The following PIK3AP1 variants were observed in gnomAD, a reference collection of about 807,000 sequenced individuals.
PIK3AP1 encodes phosphoinositide 3-kinase adapter protein 1.
Under a neutral mutation model 88.1 loss-of-function variants are expected in PIK3AP1, and 21 were observed. The ratio of observed to expected loss-of-function variants is 0.24; its 90% CI spans 0.17 to 0.34. The LOEUF (loss-of-function observed/expected upper bound fraction) is 0.34. PIK3AP1 is among the 10% of genes least tolerant of loss of function. The pLI, the probability that PIK3AP1 is intolerant of heterozygous loss-of-function variation, is 1.00. For synonymous variants in PIK3AP1, 398 were observed against 400.0 expected (o/e 1.00, Z 0.06); for missense variants, 828 against 1,035.7 (o/e 0.80, Z 2.75).
At position 96,720,165 on chromosome 10, in the gene PIK3AP1, G is replaced by T. The variant is rs1024953111; in HGVS notation, c.13+217C>A. ...AAGAAGTGGGAGGGGGTCGGGCCAGGCAGGGGCTGAAGAGAATCGCGCCAC... is the reference window on the plus strand; with the variant it reads ...AAGAAGTGGGAGGGGGTCGGGCCAGTCAGGGGCTGAAGAGAATCGCGCCAC... On this transcript the variant is annotated intron_variant, in intron 1 of 16. Transcript: ENST00000339364. The surrounding 1 kb of genome is among the most constrained non-coding windows in gnomAD (Gnocchi z 4.6). Among the ~76,000 whole-genome samples the T allele has an allele frequency of 6.6e-6, 1 of 152,232 alleles. No individual in the cohort carries two copies. Among genetic ancestry groups the T allele is most frequent in the African/African-American group, 2.4e-5 (1 of 41,466 alleles).
intron 2 of PIK3AP1, among the ~76,000 whole-genome samples, chr10:96,684,091 C>T (rs1317909628): frequency 6.6e-6 from 1 of 152,186 alleles, no homozygotes; most frequent in Non-Finnish European, 1.5e-5. Context: ...GGAGATAGGG[C>T]TGAATTCCAC....
At chr10:96,666,132 T>C (rs543247919) in intron 2 of PIK3AP1, among the ~76,000 whole-genome samples, 15 of 152,286 alleles carry the variant, frequency 9.8e-5, no homozygotes, top group Admixed American at 3.9e-4. Context: ...AAAAAAGAGT[T>C]AAATAGGCCG....
intron 3 of PIK3AP1, among the ~76,000 whole-genome samples, chr10:96,654,480 T>G (rs1199550020): frequency 3.9e-5 from 6 of 152,312 alleles, no homozygotes; most frequent in South Asian, 2.1e-4. Context: ...CTCCTGGGGC[T>G]GCTGAGGCTG....
chr10:96,648,553 A>C, intron 7 of PIK3AP1, 106 bp downstream of exon 7: 4 of 1,223,364 alleles, frequency 3.3e-6, no homozygotes, highest in Non-Finnish European at 4.5e-6. Context: ...GAAGAGGTAC[A>C]TGAGGACATG....
At chr10:96,621,770 C>G (rs1169626402) in intron 11 of PIK3AP1, 1 of 152,278 alleles carries the variant, frequency 6.6e-6, no homozygotes, top group African/African-American at 2.4e-5. Flanking sequence ...ACAAGTATTT[C>G]TCAACCTTGG....
intron 2 of PIK3AP1, among the ~76,000 whole-genome samples, chr10:96,694,542 T>C (rs1384649536): frequency 6.8e-6 from 1 of 146,712 alleles, no homozygotes; most frequent in African/African-American, 2.5e-5. Flanking sequence ...TTTCTTTCTT[T>C]TTTTTTTTTT....
chr10:96,597,361 TC>T (rs1848787442), intron 16 of PIK3AP1, among the ~76,000 whole-genome samples: 1 of 93,744 alleles, frequency 1.1e-5, no homozygotes, highest in Non-Finnish European at 2.0e-5. Context: ...CCTCCCTCTC[TC>T]TCTCTCTCTC....
rs1844295927 is a variant in PIK3AP1 at position 96,701,368 on chromosome 10, G to C, written c.430+8199C>G. 5.3e-5 allele frequency among the ~76,000 whole-genome samples: 8 copies of C among 152,326 alleles called. No individual in the cohort carries two copies. In the South Asian group the frequency reaches 1.7e-3, roughly 32 times the overall value. On this transcript the variant is annotated intron_variant, in intron 2 of 16. Transcript: ENST00000339364. ...TAAGCTTTCTAGGCCCAAAGGCCCTGTGTTCCAAAGTGAGTTCCAGTGCTT... is the reference window on the plus strand; with the variant it reads ...TAAGCTTTCTAGGCCCAAAGGCCCTCTGTTCCAAAGTGAGTTCCAGTGCTT...
At chr10:96,652,595 A>G (rs1203092263) in intron 4 of PIK3AP1, 103 bp downstream of exon 4, 3 of 1,424,418 alleles carry the variant, frequency 2.1e-6, no homozygotes, top group Non-Finnish European at 2.9e-6. Flanking sequence ...TCAAAGTAGC[A>G]AACATATTTA....
chr10:96,682,920 A>G (rs1419459629), intron 2 of PIK3AP1, among the ~76,000 whole-genome samples: 1 of 152,198 alleles, frequency 6.6e-6, no homozygotes, highest in African/African-American at 2.4e-5. Flanking sequence ...CTACATTTAA[A>G]CAGACTGTAG....
chr10:96,624,123 T>C (rs1843123554), intron 10 of PIK3AP1, among the ~76,000 whole-genome samples: 1 of 152,194 alleles, frequency 6.6e-6, no homozygotes, highest in South Asian at 2.1e-4. Context: ...GTGAACCATA[T>C]GATCTTGGAC....
intron 2 of PIK3AP1, among the ~76,000 whole-genome samples, chr10:96,675,311 G>A (rs536806968): frequency 9.2e-5 from 14 of 152,280 alleles, no homozygotes; most frequent in East Asian, 3.9e-4. Flanking sequence ...GGGTGGAAGC[G>A]TCCTAGACCA....
At chr10:96,652,521 T>C (rs901551523) in intron 4 of PIK3AP1, among the ~76,000 whole-genome samples, 177 bp downstream of exon 4, 2 of 151,236 alleles carry the variant, frequency 1.3e-5, no homozygotes, top group African/African-American at 4.9e-5. Context: ...TGCAGTGAGC[T>C]GAGATCATGC....
At chr10:96,599,151 CAGAG>C (rs1316674358) in intron 16 of PIK3AP1, among the ~76,000 whole-genome samples, 3 of 152,012 alleles carry the variant, frequency 2.0e-5, no homozygotes, top group Non-Finnish European at 4.4e-5. Context: ...GCAGAACGGA[CAGAG>C]CATGAAGACA....
rs141708196 is a variant in PIK3AP1, at chr10:96,716,987, C to T, written c.13+3395G>A. 3.4e-3 allele frequency among the ~76,000 whole-genome samples: 520 copies of T among 152,072 alleles called. 2 individuals carry two copies. The highest frequency in any genetic ancestry group is 6.8e-3 in the Middle Eastern group (2 of 294). On this transcript the variant is annotated intron_variant, in intron 1 of 16. Coordinates refer to ENST00000339364, the MANE Select transcript of PIK3AP1 (RefSeq NM_152309.3). ...ATTCAGAGCCCAATGGAGGGCCGAGCGTGGTGGCTCACACCTGTAATCCCA... is the reference window on the plus strand; with the variant it reads ...ATTCAGAGCCCAATGGAGGGCCGAGTGTGGTGGCTCACACCTGTAATCCCA...
intron 7 of PIK3AP1, among the ~76,000 whole-genome samples, chr10:96,647,286 T>G (rs1001850966): frequency 1.3e-4 from 20 of 152,222 alleles, no homozygotes; most frequent in African/African-American, 4.8e-4. Context: ...CTGAATAGTC[T>G]GTGGCCCTAA....
At chr10:96,615,646 A>G (rs531503141) in intron 13 of PIK3AP1, among the ~76,000 whole-genome samples, 10 of 152,308 alleles carry the variant, frequency 6.6e-5, no homozygotes, top group African/African-American at 2.4e-4. Context: ...TGAGGAAGGA[A>G]TACCATGGCC....
intron 1 of PIK3AP1, among the ~76,000 whole-genome samples, chr10:96,714,290 A>G (rs1252496781): frequency 6.6e-6 from 1 of 152,174 alleles, no homozygotes; most frequent in Non-Finnish European, 1.5e-5. Flanking sequence ...ACATTCTCTC[A>G]TTTAATCCTC....
intron 14 of PIK3AP1, among the ~76,000 whole-genome samples, chr10:96,604,627 C>G (rs1327939698): frequency 6.6e-6 from 1 of 152,128 alleles, no homozygotes; most frequent in Non-Finnish European, 1.5e-5. Context: ...CATTTAACCC[C>G]TATGAAAATC....
Sources: allele counts gnomAD v4.1 joint callset (sites outside exome capture counted in the v4.1 genomes callset), GRCh38; gene constraint gnomAD v4.1.1; non-coding constraint Gnocchi (gnomAD v3.1); transcripts MANE v1.5; gene names NCBI Gene and HGNC (gene_info 2026-07-23, HGNC 2026-07-21).